The following TLE1 variants were observed in gnomAD, a reference collection of about 807,000 sequenced individuals.
TLE1 encodes transducin-like enhancer protein 1.
In TLE1, 21 loss-of-function variants were observed where a neutral mutation model predicts 89.8. That is an observed-to-expected ratio of 0.23 (90% CI 0.17 to 0.34). The LOEUF (loss-of-function observed/expected upper bound fraction) is 0.34. TLE1 is among the 10% of genes least tolerant of loss of function. TLE1 has a pLI of 1.00. For missense variants in TLE1, 795 were observed against 1,031.2 expected, an observed-to-expected ratio of 0.77 and a Z score of 3.14; for synonymous variants, 447 against 407.6, an observed-to-expected ratio of 1.10 and a Z score of -1.16.
intron 4 of TLE1, among the ~76,000 whole-genome samples, chr9:81,673,718 T>C (rs575212872): frequency 2.6e-5 from 4 of 152,146 alleles, no homozygotes; most frequent in Non-Finnish European, 5.9e-5. Flanking sequence ...AGGGGGCGGC[T>C]TCTGGCGGAC....
chr9:81,686,639 G>A (rs575239984), intron 2 of TLE1, among the ~76,000 whole-genome samples: 94 of 152,264 alleles, frequency 6.2e-4, no homozygotes, highest in African/African-American at 1.9e-3. Flanking sequence ...AACTTCATAG[G>A]AACAAGGGAA....
chr9:81,677,467 A>G (rs1405186696), intron 4 of TLE1, among the ~76,000 whole-genome samples: 1 of 146,766 alleles, frequency 6.8e-6, no homozygotes, highest in African/African-American at 2.5e-5. Flanking sequence ...CAGCAGGCTG[A>G]GGCAGGAAAA....
At chr9:81,655,311 C>T (rs1425529685) in intron 4 of TLE1, among the ~76,000 whole-genome samples, 5 of 152,032 alleles carry the variant, frequency 3.3e-5, no homozygotes, top group Admixed American at 1.3e-4. Context: ...TGCAGTGAGC[C>T]GAGATCACGC....
intron 12 of TLE1, among the ~76,000 whole-genome samples, chr9:81,612,820 G>A (rs1052704607): frequency 5.9e-5 from 9 of 152,250 alleles, no homozygotes; most frequent in Admixed American, 5.9e-4. Flanking sequence ...CACTTTGGGA[G>A]GCCGAGATGG....
chr9:81,670,903 T>C (rs988607482), intron 4 of TLE1, among the ~76,000 whole-genome samples: 2 of 152,092 alleles, frequency 1.3e-5, no homozygotes, highest in African/African-American at 4.8e-5. Context: ...GTGCCGTGGC[T>C]CATGCTGTTA....
intron 14 of TLE1, among the ~76,000 whole-genome samples, chr9:81,609,043 C>T (rs1349739627): frequency 1.3e-5 from 2 of 152,084 alleles, no homozygotes; most frequent in Non-Finnish European, 2.9e-5. Flanking sequence ...ACAACATTTG[C>T]AAAGACCTGC....
At chr9:81,609,058 T>G (rs1823361292) in intron 14 of TLE1, among the ~76,000 whole-genome samples, 1 of 151,284 alleles carries the variant, frequency 6.6e-6, no homozygotes, top group Non-Finnish European at 1.5e-5. Flanking sequence ...ACCTGCCCCC[T>G]CCCCTCCCCT....
intron 17 of TLE1, among the ~76,000 whole-genome samples, chr9:81,586,574 T>C (rs1259348462): frequency 1.3e-5 from 2 of 152,216 alleles, no homozygotes; most frequent in Non-Finnish European, 2.9e-5. Flanking sequence ...GGTTATATGG[T>C]GCATGGCTGT....
intron 4 of TLE1, among the ~76,000 whole-genome samples, chr9:81,683,927 G>T (rs1018499979): frequency 4.6e-5 from 7 of 151,938 alleles, no homozygotes; most frequent in Admixed American, 6.6e-5. Context: ...AGGTCATCCC[G>T]CCACATAACC....
At chr9:81,587,648 A>C (rs980133267) in intron 17 of TLE1, 33 bp downstream of exon 17, 5 of 1,582,964 alleles carry the variant, frequency 3.2e-6, no homozygotes, top group Non-Finnish European at 4.3e-6. Context: ...GCCACCTCCC[A>C]GACTCCAGGG....
chr9:81,587,090 A>G (rs940431299), intron 17 of TLE1, among the ~76,000 whole-genome samples: 1 of 152,232 alleles, frequency 6.6e-6, no homozygotes, highest in Non-Finnish European at 1.5e-5. Context: ...TACTTTTCAC[A>G]ATCTACAAAG....
intron 8 of TLE1, among the ~76,000 whole-genome samples, chr9:81,630,483 T>G (rs538108967): frequency 6.6e-6 from 1 of 152,356 alleles, no homozygotes; most frequent in Non-Finnish European, 1.5e-5. Flanking sequence ...TTTAAGTGAT[T>G]TAATTTTCTT....
At position 81,688,205 on chromosome 9, in the gene TLE1, G is replaced by C; in HGVS notation, c.24+12C>G. 1 of 1,598,132 alleles carries C rather than the reference G, an allele frequency of 6.3e-7. No individual in the cohort carries two copies. Among genetic ancestry groups the C allele is most frequent in the Non-Finnish European group, 8.5e-7 (1 of 1,172,306 alleles). On this transcript the variant is annotated intron_variant, in intron 1 of 19. Coordinates refer to ENST00000376499, the MANE Select transcript of TLE1 (RefSeq NM_005077.5). The stretch of plus-strand genomic sequence containing the variant: ...GATCCTGGCCCCCCACCACCACCCA[G>C]CCGCGCCTCACCGGGTGCCGGCTCT...
At chr9:81,629,845 T>C (rs189772922) in intron 8 of TLE1, among the ~76,000 whole-genome samples, 4 of 152,348 alleles carry the variant, frequency 2.6e-5, no homozygotes, top group East Asian at 1.9e-4. Context: ...CCATCATATA[T>C]GCAATCCACT....
chr9:81,616,259 T>C, intron 10 of TLE1, 125 bp from the exon 11 acceptor site: 1 of 1,164,988 alleles, frequency 8.6e-7, no homozygotes, highest in Non-Finnish European at 1.2e-6. Flanking sequence ...TTGTACAAGG[T>C]GACCAACACC....
At chr9:81,594,293 A>G (rs1430627303) in intron 14 of TLE1, among the ~76,000 whole-genome samples, 2 of 152,188 alleles carry the variant, frequency 1.3e-5, no homozygotes, top group Admixed American at 1.3e-4. Flanking sequence ...ATGCCCATCA[A>G]TGACAGAATG....
At chr9:81,680,322 G>T (rs901167562) in intron 4 of TLE1, among the ~76,000 whole-genome samples, 12 of 152,194 alleles carry the variant, frequency 7.9e-5, no homozygotes, top group Admixed American at 2.0e-4. Flanking sequence ...ACCAAAGGCA[G>T]AAAGAGGGGG....
Position 81,585,529 on chromosome 9 carries a change from G to A in TLE1, c.2104C>T (p.Leu702=). 6.2e-7 allele frequency: 1 copy of A among 1,613,894 alleles called. No homozygotes were observed. Among genetic ancestry groups the A allele is most frequent in the Non-Finnish European group, 8.5e-7 (1 of 1,179,990 alleles). ...CCACAGTAAGCAAATTTCAGGGACA[G>A]CACGCAGCTCTCATGCAGGTGCAGC... ...YQLHLHESCV[L]SLKFAYCGKW... The change falls in exon 18 of 20, where the codon CTG becomes TTG. Residue 702 remains leucine, a synonymous_variant. Coordinates refer to ENST00000376499, the MANE Select transcript of TLE1 (RefSeq NM_005077.5).
At chr9:81,665,621 C>G (rs768401821) in intron 4 of TLE1, among the ~76,000 whole-genome samples, 1 of 152,204 alleles carries the variant, frequency 6.6e-6, no homozygotes, top group Non-Finnish European at 1.5e-5. Flanking sequence ...GCCTGCATCT[C>G]CGGAGAAAGC....
Sources: gnomAD v4.1 joint callset for allele counts (sites outside exome capture counted in the v4.1 genomes callset) on GRCh38, gnomAD v4.1.1 for gene constraint, MANE v1.5 for transcripts, NCBI Gene and HGNC (gene_info 2026-07-23, HGNC 2026-07-21) for gene names.